The following L3MBTL4 variants were observed in gnomAD, a reference collection of about 807,000 sequenced individuals.
The protein encoded by L3MBTL4 is L3MBTL histone methyl-lysine binding protein 4.
L3MBTL4 carries 70 observed loss-of-function variants against 84.5 expected under a neutral mutation model. The ratio of observed to expected loss-of-function variants is 0.83; its 90% CI spans 0.68 to 1.01. The LOEUF is 1.01. Ranked by LOEUF, L3MBTL4 falls within the 50% of genes least tolerant of loss-of-function variation. L3MBTL4 has a pLI of 0.00. For missense variants in L3MBTL4, 715 were observed against 754.8 expected (o/e 0.95, Z 0.62); for synonymous variants, 274 against 259.8 (o/e 1.05, Z -0.52).
chr18:6,113,019 G>A (rs1001656768), intron 14 of L3MBTL4, among the ~76,000 whole-genome samples: 1 of 152,128 alleles, frequency 6.6e-6, no homozygotes, highest in African/African-American at 2.4e-5. Flanking sequence ...GTGTTAATGA[G>A]CTGTGCCTGG....
Position 6,093,993 on chromosome 18 carries a change from G to A in L3MBTL4, c.1200-465C>T, listed in dbSNP as rs528751304. 2.6e-5 allele frequency among the ~76,000 whole-genome samples: 4 copies of A among 152,316 alleles called. No homozygotes were observed. In the South Asian group the frequency reaches 8.3e-4, roughly 32 times the overall value. On this transcript the variant is annotated intron_variant, in intron 14 of 18. Transcript: ENST00000317931. The stretch of plus-strand genomic sequence containing the variant: ...TGTATGCAGAAACACTCTATCTGCA[G>A]ATCTGCTTAATCCTCCAGAGCTTTG...
At chr18:6,206,836 C>T (rs2045898100) in intron 12 of L3MBTL4, among the ~76,000 whole-genome samples, 1 of 152,004 alleles carries the variant, frequency 6.6e-6, no homozygotes, top group African/African-American at 2.4e-5. Context: ...TAAAATTGAT[C>T]TAAAACTAGA....
chr18:6,345,000 A>T (rs2052805288), intron 1 of L3MBTL4, among the ~76,000 whole-genome samples: 1 of 152,044 alleles, frequency 6.6e-6, no homozygotes, highest in Non-Finnish European at 1.5e-5. Flanking sequence ...TAGGCAAAAG[A>T]AAAACAAAAA....
chr18:6,403,955 A>T (rs982467837), intron 1 of L3MBTL4, among the ~76,000 whole-genome samples: 1 of 152,220 alleles, frequency 6.6e-6, no homozygotes, highest in South Asian at 2.1e-4. Context: ...TGCAACTTGG[A>T]TGTGGCTGGA....
intron 1 of L3MBTL4, among the ~76,000 whole-genome samples, chr18:6,382,944 G>T (rs1465164635): frequency 6.6e-6 from 1 of 152,174 alleles, no homozygotes; most frequent in Non-Finnish European, 1.5e-5. Flanking sequence ...CTCTGTCCCA[G>T]GGAGATGGGG....
At chr18:6,130,870 A>C (rs2059855873) in intron 14 of L3MBTL4, among the ~76,000 whole-genome samples, 1 of 152,034 alleles carries the variant, frequency 6.6e-6, no homozygotes. Context: ...ATTTTCATAC[A>C]GATAAGAACT....
intron 10 of L3MBTL4, among the ~76,000 whole-genome samples, chr18:6,224,326 A>G (rs2046685775): frequency 3.9e-5 from 6 of 152,230 alleles, no homozygotes; most frequent in Admixed American, 3.3e-4. Flanking sequence ...TAGCTAGTTT[A>G]TGTTATAGAA....
intron 1 of L3MBTL4, among the ~76,000 whole-genome samples, chr18:6,352,064 G>C (rs1351778152): frequency 6.6e-6 from 1 of 151,102 alleles, no homozygotes; most frequent in Non-Finnish European, 1.5e-5. Flanking sequence ...TACTATAAGT[G>C]AATTTCCCCC....
chr18:6,032,385 T>TACACACACAG (rs1555634216), intron 16 of L3MBTL4: 1 of 339,086 alleles, frequency 2.9e-6, no homozygotes, highest in Non-Finnish European at 4.1e-6. Context: ...TGAAATATGT[T>TACACACACAG]ACACACACAC....
chr18:6,288,812 A>G (rs1306885014), intron 4 of L3MBTL4, among the ~76,000 whole-genome samples: 3 of 151,832 alleles, frequency 2.0e-5, no homozygotes, highest in Non-Finnish European at 4.4e-5. Context: ...GTAATGGTAA[A>G]TGGAATAAAG....
chr18:6,218,319 T>C (rs1003118618), intron 10 of L3MBTL4, among the ~76,000 whole-genome samples: 3 of 152,230 alleles, frequency 2.0e-5, no homozygotes, highest in Non-Finnish European at 4.4e-5. Flanking sequence ...TTTAAAATCA[T>C]CCAAATCCAT....
intron 1 of L3MBTL4, among the ~76,000 whole-genome samples, chr18:6,359,949 TTAAG>T (rs1010387336): frequency 6.6e-6 from 1 of 152,142 alleles, no homozygotes; most frequent in African/African-American, 2.4e-5. Context: ...TCATAATTAC[TTAAG>T]TATGAGTTAA....
intron 14 of L3MBTL4, among the ~76,000 whole-genome samples, chr18:6,126,800 T>C (rs1357125787): frequency 6.6e-6 from 1 of 152,234 alleles, no homozygotes; most frequent in Non-Finnish European, 1.5e-5. Context: ...GGGTAATTAA[T>C]CATGTCACTT....
intron 12 of L3MBTL4, among the ~76,000 whole-genome samples, chr18:6,196,157 C>CTTTTTTTTTTTTTTTTTT (rs71370547): frequency 7.7e-6 from 1 of 130,226 alleles, no homozygotes; most frequent in African/African-American, 3.3e-5. Context: ...TAGAGTTCCT[C>CTTTTTTTTTTTTTTTTTT]TTTTTTTTTT....
chr18:6,234,052 A>G (rs1314418862), intron 10 of L3MBTL4, among the ~76,000 whole-genome samples: 1 of 152,222 alleles, frequency 6.6e-6, no homozygotes, highest in Middle Eastern at 3.2e-3. Context: ...ACCTGACAAA[A>G]ACAAGAAATG....
rs2095221653 is a variant in L3MBTL4 at position 5,955,448 on chromosome 18, G to C, written c.*772C>G. 1 of 152,290 alleles carries C rather than the reference G, an allele frequency of 6.6e-6. No individual in the cohort carries two copies. The highest frequency in any genetic ancestry group is 6.5e-5 in the Admixed American group (1 of 15,278). The allele number at this position is 152,290 out of a possible 1,614,324, so 9.4% of individuals were successfully genotyped here. A position where few individuals can be genotyped will look rare whatever the true frequency, so the allele number is the denominator to read the frequency against. Reference sequence around the variant, plus strand: ...TCTGTGCAGGTGAGCGTCTGGCCCAGCAGCCACACCAGTGTTAGGACAGGG... The same window carrying C: ...TCTGTGCAGGTGAGCGTCTGGCCCACCAGCCACACCAGTGTTAGGACAGGG... On this transcript the variant is annotated 3_prime_UTR_variant, in exon 19 of 19. Transcript: ENST00000317931.
At chr18:5,973,807 C>T (rs2052768624) in intron 16 of L3MBTL4, among the ~76,000 whole-genome samples, 1 of 152,190 alleles carries the variant, frequency 6.6e-6, no homozygotes, top group Non-Finnish European at 1.5e-5. Flanking sequence ...CTGTTTCCAC[C>T]TAACACAGCT....
At chr18:6,103,992 G>T (rs186746307) in intron 14 of L3MBTL4, among the ~76,000 whole-genome samples, 4 of 152,186 alleles carry the variant, frequency 2.6e-5, no homozygotes, top group African/African-American at 9.7e-5. Context: ...GCCATGCTCT[G>T]CGGAGTCCTG....
intron 1 of L3MBTL4, among the ~76,000 whole-genome samples, chr18:6,402,432 C>G (rs2055551571): frequency 6.6e-6 from 1 of 152,146 alleles, no homozygotes; most frequent in South Asian, 2.1e-4. Context: ...ATAACAAGTT[C>G]AACTCTTTAT....
Sources: allele counts gnomAD v4.1 joint callset (sites outside exome capture counted in the v4.1 genomes callset), GRCh38; gene constraint gnomAD v4.1.1; transcripts MANE v1.5; gene names NCBI Gene and HGNC (gene_info 2026-07-23, HGNC 2026-07-21).